Variants in TMTC2 observed in about 807,000 individuals in gnomAD.
The protein encoded by TMTC2 is transmembrane O-mannosyltransferase targeting cadherins 2.
TMTC2 carries 43 observed loss-of-function variants against 82.4 expected under a neutral mutation model. That is an observed-to-expected ratio of 0.52 (90% CI 0.41 to 0.67). The LOEUF (loss-of-function observed/expected upper bound fraction) is 0.67. TMTC2 is among the 30% of genes least tolerant of loss of function. The pLI, the probability that TMTC2 is intolerant of heterozygous loss-of-function variation, is 0.00. For missense variants in TMTC2, 919 were observed against 1,012.4 expected, an observed-to-expected ratio of 0.91 and a Z score of 1.25; for synonymous variants, 408 against 381.9, an observed-to-expected ratio of 1.07 and a Z score of -0.80.
At chr12:82,712,343 T>C (rs1873667716) in intron 1 of TMTC2, among the ~76,000 whole-genome samples, 1 of 148,992 alleles carries the variant, frequency 6.7e-6, no homozygotes, top group Admixed American at 6.8e-5. Context: ...GGTAGGAGAA[T>C]TGCTTGAAAC....
At chr12:82,912,605 A>G (rs1400488985) in intron 3 of TMTC2, among the ~76,000 whole-genome samples, 3 of 152,198 alleles carry the variant, frequency 2.0e-5, no homozygotes, top group Admixed American at 6.5e-5. Flanking sequence ...AATATTTTCC[A>G]AAGATGATGG....
rs774148150 is a variant in TMTC2 at position 82,997,384 on chromosome 12, G to GTATATATATATATATGTA, written c.2070+11349_2070+11350insATATGTATATATATATAT. ...TATATATGTGTATATATATATATGT[G>GTATATATATATATATGTA]TATATATATATGTGTATATATATAT... is the stretch of plus-strand genomic sequence containing the variant. On this transcript the variant is annotated intron_variant, in intron 8 of 11. Transcript: ENST00000321196. Among the ~76,000 whole-genome samples the GTATATATATATATATGTA allele has an allele frequency of 1.3e-4, 4 of 29,702 alleles. 1 individual carries two copies. Among genetic ancestry groups the GTATATATATATATATGTA allele is most frequent in the African/African-American group, 3.1e-4 (4 of 12,882 alleles). 19.5% of individuals were successfully genotyped at this position (29,702 alleles called of 152,430 possible).
intron 1 of TMTC2, among the ~76,000 whole-genome samples, chr12:82,764,115 T>A (rs1437510180): frequency 2.0e-5 from 3 of 152,186 alleles, no homozygotes; most frequent in African/African-American, 7.2e-5. Context: ...CATGGGTAAC[T>A]ACACAGATAT....
chr12:82,741,351 C>A (rs1442151846), intron 1 of TMTC2, among the ~76,000 whole-genome samples: 1 of 152,128 alleles, frequency 6.6e-6, no homozygotes, highest in Admixed American at 6.6e-5. Flanking sequence ...TGCTCTGTTG[C>A]CCAGGCTGGA....
intron 11 of TMTC2, among the ~76,000 whole-genome samples, chr12:83,109,533 A>G (rs543646546): frequency 6.6e-6 from 1 of 152,294 alleles, no homozygotes; most frequent in South Asian, 2.1e-4. Flanking sequence ...CTCTTCTGCA[A>G]CACCTCTGTG....
At chr12:82,741,686 T>C (rs1592892206) in intron 1 of TMTC2, among the ~76,000 whole-genome samples, 1 of 152,332 alleles carries the variant, frequency 6.6e-6, no homozygotes, top group African/African-American at 2.4e-5. Context: ...CAATGTGTAA[T>C]CAAATAGAAG....
intron 2 of TMTC2, among the ~76,000 whole-genome samples, chr12:82,860,156 T>C (rs771332918): frequency 6.6e-5 from 10 of 151,202 alleles, no homozygotes; most frequent in South Asian, 4.2e-4. Flanking sequence ...GTATTTTTAG[T>C]AGAGGCCAGG....
intron 1 of TMTC2, among the ~76,000 whole-genome samples, chr12:82,691,129 C>A (rs1872557085): frequency 6.6e-6 from 1 of 152,098 alleles, no homozygotes; most frequent in Admixed American, 6.6e-5. Context: ...TAAGATAATG[C>A]AACTTTTACA....
chr12:82,944,663 G>A (rs1307128621), intron 4 of TMTC2, among the ~76,000 whole-genome samples: 5 of 152,054 alleles, frequency 3.3e-5, no homozygotes, highest in Admixed American at 3.3e-4. Flanking sequence ...TGTCATTGAA[G>A]CTGTTGGTTA....
chr12:82,931,975 T>C (rs1876057703), intron 4 of TMTC2, among the ~76,000 whole-genome samples: 1 of 152,158 alleles, frequency 6.6e-6, no homozygotes, highest in Non-Finnish European at 1.5e-5. Flanking sequence ...AAAACAGTTC[T>C]CTATAGGAAG....
chr12:83,007,220 C>G (rs1264104309), intron 8 of TMTC2, among the ~76,000 whole-genome samples: 1 of 151,438 alleles, frequency 6.6e-6, no homozygotes, highest in Admixed American at 6.6e-5. Flanking sequence ...TTGTTTCCTT[C>G]CTTCTGCTGA....
At chr12:82,834,718 G>GT (rs1158752195) in intron 1 of TMTC2, among the ~76,000 whole-genome samples, 4 of 152,044 alleles carry the variant, frequency 2.6e-5, no homozygotes, top group African/African-American at 9.7e-5. Flanking sequence ...TTATTTTAAG[G>GT]TATCTTTCCC....
intron 9 of TMTC2, among the ~76,000 whole-genome samples, chr12:83,048,016 A>G (rs1282124098): frequency 6.6e-6 from 1 of 152,206 alleles, no homozygotes; most frequent in Non-Finnish European, 1.5e-5. Flanking sequence ...TACATTTCAG[A>G]GTTAATAGCT....
At chr12:82,961,190 CACTATT>C (rs1197146387) in intron 4 of TMTC2, among the ~76,000 whole-genome samples, 1 of 80,484 alleles carries the variant, frequency 1.2e-5, no homozygotes, top group African/African-American at 4.4e-5. Flanking sequence ...GTTTCTCTGC[CACTATT>C]ATTATTATTA....
At chr12:82,711,073 G>T (rs1359429845) in intron 1 of TMTC2, among the ~76,000 whole-genome samples, 1 of 152,100 alleles carries the variant, frequency 6.6e-6, no homozygotes, top group African/African-American at 2.4e-5. Context: ...CAAGCTTCTG[G>T]TAAGACAAAT....
At position 83,030,779 on chromosome 12, in the gene TMTC2, A is replaced by AT. The variant is rs1881397551; in HGVS notation, c.2071-15dup. On this transcript the variant is annotated intron_variant, in intron 8 of 11. Coordinates refer to ENST00000321196, the MANE Select transcript of TMTC2 (RefSeq NM_152588.3). ...CTCATGATCTGTTCCTGAATCATCCATTTTCTCTGTTTTTCAAGGGTCGTA... is the reference window on the plus strand; with the variant it reads ...CTCATGATCTGTTCCTGAATCATCCATTTTTCTCTGTTTTTCAAGGGTCGTA... 3 of 1,598,642 alleles carry AT rather than the reference A, an allele frequency of 1.9e-6. No individual in the cohort carries two copies. In the South Asian group the frequency reaches 3.3e-5, roughly 18 times the overall value.
chr12:83,098,600 C>A (rs1476805984), intron 11 of TMTC2, among the ~76,000 whole-genome samples: 2 of 152,224 alleles, frequency 1.3e-5, no homozygotes, highest in Admixed American at 6.5e-5. Context: ...GCTAACAATT[C>A]TTTTCACGCT....
intron 8 of TMTC2, among the ~76,000 whole-genome samples, chr12:83,008,447 C>T (rs1235827690): frequency 6.6e-6 from 1 of 152,154 alleles, no homozygotes; most frequent in Non-Finnish European, 1.5e-5. Flanking sequence ...TTTCCTTAGC[C>T]ATCCTGGGTC....
chr12:82,894,385 G>C (rs898956919), intron 2 of TMTC2, among the ~76,000 whole-genome samples: 1 of 152,206 alleles, frequency 6.6e-6, no homozygotes, highest in African/African-American at 2.4e-5. Context: ...CTGAGGAGCA[G>C]AGTCCAGTGT....
Sources: allele counts gnomAD v4.1 joint callset (sites outside exome capture counted in the v4.1 genomes callset), GRCh38; gene constraint gnomAD v4.1.1; transcripts MANE v1.5; gene names NCBI Gene and HGNC (gene_info 2026-07-23, HGNC 2026-07-21).